The following SDC2 variants were observed in gnomAD, a reference collection of about 807,000 sequenced individuals.
SDC2 encodes syndecan-2.
Under a neutral mutation model 22.2 loss-of-function variants are expected in SDC2, and 13 were observed. The observed-to-expected ratio is 0.59, with a 90% confidence interval of 0.38 to 0.93. The LOEUF (loss-of-function observed/expected upper bound fraction) is 0.93. SDC2 is among the 40% of genes least tolerant of loss of function. The pLI is 0.00. For missense variants in SDC2, 235 were observed against 246.8 expected (o/e 0.95, Z 0.32); for synonymous variants, 94 against 92.8 (o/e 1.01, Z -0.07).
chr8:96,566,554 C>T (rs1814301918), intron 1 of SDC2, among the ~76,000 whole-genome samples: 1 of 152,094 alleles, frequency 6.6e-6, no homozygotes, highest in Non-Finnish European at 1.5e-5. Context: ...TCATAACTCT[C>T]ATACTTATTA....
chr8:96,534,538 G>A (rs753793881), intron 1 of SDC2, among the ~76,000 whole-genome samples: 1 of 152,042 alleles, frequency 6.6e-6, no homozygotes. Context: ...GGGCTCAAGC[G>A]ATCCTCCCAC....
intron 3 of SDC2, among the ~76,000 whole-genome samples, chr8:96,606,271 A>T (rs988742966): frequency 1.3e-5 from 2 of 151,864 alleles, no homozygotes; most frequent in African/African-American, 2.4e-5. Context: ...AATTTTAAAA[A>T]TTTTTTTGTA....
At chr8:96,582,903 T>C (rs771858104) in intron 1 of SDC2, among the ~76,000 whole-genome samples, 11 of 152,126 alleles carry the variant, frequency 7.2e-5, no homozygotes, top group Non-Finnish European at 1.5e-4. Context: ...AAGGAGGCGC[T>C]AACAAGACGG....
Position 96,602,450 on chromosome 8 carries a change from G to T in SDC2, c.228G>T (p.Lys76Asn), listed in dbSNP as rs753125482. 6.2e-7 allele frequency: 1 copy of T among 1,614,124 alleles called. No homozygotes were observed. Among genetic ancestry groups the T allele is most frequent in the East Asian group, 2.2e-5 (1 of 44,878 alleles). ...PELTTSRPLP[K>N]ILLTSAAPKV... ...TGACAACATCTCGACCACTTCCAAA[G>T]ATACTGTTGACTAGTGCTGCTCCAA... The change falls in exon 3 of 5, where the codon AAG becomes AAT. Residue 76 changes from lysine (K) to asparagine (N), a missense_variant. Lys to Asn is a moderately conservative substitution (Grantham distance 94). Transcript: ENST00000302190.
intron 1 of SDC2, among the ~76,000 whole-genome samples, chr8:96,513,469 C>T (rs1035825720): frequency 3.9e-5 from 6 of 152,172 alleles, no homozygotes; most frequent in Middle Eastern, 3.4e-3. Context: ...GGCAGAAAAC[C>T]CAGAAGATGC....
rs1406839482 is a variant in SDC2 at position 96,611,701 on chromosome 8, A to G, written c.*2153A>G. On this transcript the variant is annotated 3_prime_UTR_variant, in exon 5 of 5. Coordinates refer to ENST00000302190, the MANE Select transcript of SDC2 (RefSeq NM_002998.4). The stretch of plus-strand genomic sequence containing the variant: ...CCAGGAAAAGAAAAATTTCTGGCAA[A>G]TATTTTGTCACTGCTGTAAAGCAAA... 2 of 152,670 alleles carry G rather than the reference A, an allele frequency of 1.3e-5. No individual in the cohort carries two copies. The highest frequency in any genetic ancestry group is 1.3e-4 in the Admixed American group (2 of 15,276). The allele number at this position is 152,670 out of a possible 1,614,324, so 9.5% of individuals were successfully genotyped here.
At chr8:96,544,623 A>G (rs773222041) in intron 1 of SDC2, among the ~76,000 whole-genome samples, 3 of 151,866 alleles carry the variant, frequency 2.0e-5, no homozygotes, top group Admixed American at 6.6e-5. Context: ...CCTCCCTACA[A>G]GATTGTGGTG....
intron 2 of SDC2, among the ~76,000 whole-genome samples, chr8:96,598,617 A>AAAAT (rs1242209704): frequency 6.6e-6 from 1 of 152,096 alleles, no homozygotes; most frequent in Non-Finnish European, 1.5e-5. Context: ...ATTCCATCTC[A>AAAAT]AAATAAATAA....
chr8:96,577,571 T>C (rs557034998), intron 1 of SDC2, among the ~76,000 whole-genome samples: 1 of 152,342 alleles, frequency 6.6e-6, no homozygotes, highest in African/African-American at 2.4e-5. Flanking sequence ...TGAACCAACA[T>C]TGATACATTA....
chr8:96,518,634 G>C (rs1194443952), intron 1 of SDC2, among the ~76,000 whole-genome samples: 2 of 152,200 alleles, frequency 1.3e-5, no homozygotes, highest in African/African-American at 4.8e-5. Flanking sequence ...TGGGATTACA[G>C]GCGTGAGCCA....
chr8:96,581,031 AT>A (rs1814580643), intron 1 of SDC2, among the ~76,000 whole-genome samples: 4 of 152,212 alleles, frequency 2.6e-5, no homozygotes, highest in South Asian at 4.1e-4. Context: ...GAGATGATCT[AT>A]TTTTAATTCC....
intron 1 of SDC2, among the ~76,000 whole-genome samples, chr8:96,539,927 A>G (rs1367898599): frequency 6.6e-6 from 1 of 152,198 alleles, no homozygotes; most frequent in African/African-American, 2.4e-5. Flanking sequence ...TAACCACAGA[A>G]GGGAACCTGC....
At chr8:96,513,756 CT>C (rs1452900738) in intron 1 of SDC2, among the ~76,000 whole-genome samples, 1 of 152,140 alleles carries the variant, frequency 6.6e-6, no homozygotes, top group Non-Finnish European at 1.5e-5. Flanking sequence ...AGGGTGGAAA[CT>C]TCCGATCTCG....
chr8:96,500,490 C>T (rs1002965063), intron 1 of SDC2, among the ~76,000 whole-genome samples: 2 of 151,704 alleles, frequency 1.3e-5, no homozygotes, highest in African/African-American at 2.4e-5. Context: ...GGTGAAACCC[C>T]GTCTCTACTA....
In SDC2 at chr8:96,567,776, C is replaced by T. The variant is rs140768118; in HGVS notation, c.61-25704C>T. Among the ~76,000 whole-genome samples the T allele has an allele frequency of 9.2e-5, 14 of 152,286 alleles. No homozygotes were observed. The East Asian group carries it at 2.7e-3, about 29-fold the overall frequency. On this transcript the variant is annotated intron_variant, in intron 1 of 4. Transcript: ENST00000302190. ...TTGCTAAACTTATTTTTATCATAAA[C>T]ACCTAATTATTCACCCATAGTCTGA... is the stretch of plus-strand genomic sequence containing the variant.
At chr8:96,533,459 C>G (rs1313452483) in intron 1 of SDC2, among the ~76,000 whole-genome samples, 1 of 152,180 alleles carries the variant, frequency 6.6e-6, no homozygotes, top group African/African-American at 2.4e-5. Context: ...ACACAGAGCA[C>G]TGATTGGTGC....
chr8:96,546,329 A>G (rs1035614930), intron 1 of SDC2, among the ~76,000 whole-genome samples: 9 of 152,186 alleles, frequency 5.9e-5, no homozygotes, highest in African/African-American at 2.2e-4. Flanking sequence ...AGTCTTGACC[A>G]TATTCTCAGA....
At chr8:96,535,442 G>C (rs1813739298) in intron 1 of SDC2, among the ~76,000 whole-genome samples, 1 of 152,178 alleles carries the variant, frequency 6.6e-6, no homozygotes. Flanking sequence ...ACAAATATCT[G>C]TACCAATTCT....
chr8:96,521,682 T>C (rs1235172504), intron 1 of SDC2, among the ~76,000 whole-genome samples: 1 of 152,232 alleles, frequency 6.6e-6, no homozygotes, highest in African/African-American at 2.4e-5. Context: ...GTGTCGGGTA[T>C]TGAGCATTTT....
Sources: allele counts gnomAD v4.1 joint callset (sites outside exome capture counted in the v4.1 genomes callset), GRCh38; gene constraint gnomAD v4.1.1; transcripts MANE v1.5; gene names NCBI Gene and HGNC (gene_info 2026-07-23, HGNC 2026-07-21).